GPC6: variants seen among roughly 807,000 people sequenced by gnomAD.
GPC6 encodes glypican 6.
In GPC6, 14 loss-of-function variants were observed where a neutral mutation model predicts 55.2. The ratio of observed to expected loss-of-function variants is 0.25; its 90% CI spans 0.17 to 0.40. The LOEUF is 0.40. Ranked by LOEUF, GPC6 falls within the 10% of genes least tolerant of loss-of-function variation. The pLI is 1.00. For synonymous variants in GPC6, 278 were observed against 259.6 expected, an observed-to-expected ratio of 1.07 and a Z score of -0.68; for missense variants, 641 against 708.5, an observed-to-expected ratio of 0.90 and a Z score of 1.08.
intron 4 of GPC6, among the ~76,000 whole-genome samples, chr13:94,142,693 A>C (rs531019935): frequency 6.6e-6 from 1 of 152,150 alleles, no homozygotes; most frequent in African/African-American, 2.4e-5. Flanking sequence ...CTTAGCTTAC[A>C]GAATATTATC....
intron 4 of GPC6, among the ~76,000 whole-genome samples, chr13:94,102,904 T>A (rs1885917025): frequency 6.6e-6 from 1 of 152,224 alleles, no homozygotes. Context: ...GTTATTATTA[T>A]ACTTTAAGTT....
Position 93,227,579 on chromosome 13 carries a change from A to C in GPC6, c.123A>C (p.Gly41=). ...GEVRQAYGAK[G]FSLADIPYQE... is the part of the protein sequence containing the mutation. ...TCCGCCAGGCGTACGGTGCCAAGGG[A>C]TTCAGCCTGGCGGACATCCCCTACC... is the stretch of plus-strand genomic sequence containing the variant. Residue 41 remains glycine, a synonymous_variant, in exon 1 of 9, where the codon GGA becomes GGC. Coordinates refer to ENST00000377047, the MANE Select transcript of GPC6 (RefSeq NM_005708.5). This position sits in a 1 kb window ranked among gnomAD's most constrained non-coding sequence, Gnocchi z 4.3. 1 of 1,610,660 alleles carries C rather than the reference A, an allele frequency of 6.2e-7. No homozygotes were observed. Among genetic ancestry groups the C allele is most frequent in the Non-Finnish European group, 8.5e-7 (1 of 1,178,914 alleles).
intron 1 of GPC6, among the ~76,000 whole-genome samples, chr13:93,296,360 T>C (rs1878495647): frequency 6.6e-6 from 1 of 152,214 alleles, no homozygotes; most frequent in Non-Finnish European, 1.5e-5. Context: ...ATTATGGCAG[T>C]AGGCTCCTAA....
intron 6 of GPC6, among the ~76,000 whole-genome samples, chr13:94,310,175 G>A (rs189733817): frequency 1.3e-5 from 2 of 152,228 alleles, no homozygotes; most frequent in African/African-American, 4.8e-5. Flanking sequence ...GCTCACAGAC[G>A]CACTTGGACA....
chr13:93,544,147 GA>G (rs145427838), intron 1 of GPC6, among the ~76,000 whole-genome samples: 1 of 148,682 alleles, frequency 6.7e-6, no homozygotes, highest in African/African-American at 2.5e-5. Flanking sequence ...AGTAAAAAAA[GA>G]AAAAAAAATG....
At chr13:94,136,368 A>C (rs1451744111) in intron 4 of GPC6, among the ~76,000 whole-genome samples, 1 of 152,102 alleles carries the variant, frequency 6.6e-6, no homozygotes, top group Non-Finnish European at 1.5e-5. Context: ...TGGCGATAAG[A>C]AGGGTGTGCA....
At chr13:93,827,057 C>T (rs1887289623) in intron 2 of GPC6, among the ~76,000 whole-genome samples, 1 of 152,156 alleles carries the variant, frequency 6.6e-6, no homozygotes, top group Non-Finnish European at 1.5e-5. Context: ...GAGCAACCAA[C>T]TTTGATGTAT....
chr13:94,120,227 A>G (rs1886578089), intron 4 of GPC6, among the ~76,000 whole-genome samples: 1 of 152,092 alleles, frequency 6.6e-6, no homozygotes, highest in African/African-American at 2.4e-5. Context: ...AGACTGTAGA[A>G]GGATCGCAGT....
intron 2 of GPC6, among the ~76,000 whole-genome samples, chr13:93,556,410 A>ATG (rs1875477732): frequency 1.7e-5 from 2 of 114,842 alleles, no homozygotes; most frequent in African/African-American, 5.3e-5. Context: ...ATGTATATGT[A>ATG]TATATATATA....
chr13:93,233,858 C>A (rs192352341), intron 1 of GPC6, among the ~76,000 whole-genome samples: 3 of 152,092 alleles, frequency 2.0e-5, no homozygotes, highest in African/African-American at 7.2e-5. Flanking sequence ...CTTACATAGA[C>A]GGAAAGAATC....
intron 3 of GPC6, among the ~76,000 whole-genome samples, chr13:93,972,911 CTCTCTCTG>C (rs1236830202): frequency 6.6e-5 from 10 of 151,836 alleles, no homozygotes; most frequent in African/African-American, 1.7e-4. Context: ...CTTTCTCTCT[CTCTCTCTG>C]TCTCTCTGTC....
intron 1 of GPC6, among the ~76,000 whole-genome samples, chr13:93,236,553 A>G (rs1258950399): frequency 2.6e-5 from 4 of 152,222 alleles, no homozygotes; most frequent in African/African-American, 4.8e-5. Context: ...TCGAATCAGC[A>G]GCGGCATTAG....
In GPC6 at chr13:93,449,451, T is replaced by C. The variant is rs528564338; in HGVS notation, c.161-95812T>C. Among the ~76,000 whole-genome samples the C allele has an allele frequency of 3.9e-5, 6 of 152,264 alleles. No homozygotes were observed. The South Asian group carries it at 1.2e-3, about 32-fold the overall frequency. ...AGATGATGATTGTTGGCTGGGTTAG[T>C]CTCCTTAGCAGAAATTCTTTCTTCT... is the stretch of plus-strand genomic sequence containing the variant. On this transcript the variant is annotated intron_variant, in intron 1 of 8. Coordinates refer to ENST00000377047, the MANE Select transcript of GPC6 (RefSeq NM_005708.5).
chr13:93,784,622 G>A (rs193084411), intron 2 of GPC6, among the ~76,000 whole-genome samples: 45 of 152,270 alleles, frequency 3.0e-4, no homozygotes, highest in South Asian at 8.3e-4. Flanking sequence ...GAATCCCATC[G>A]CTGAAACCTC....
intron 1 of GPC6, among the ~76,000 whole-genome samples, chr13:93,282,063 G>A (rs1877969704): frequency 6.6e-6 from 1 of 152,150 alleles, no homozygotes; most frequent in African/African-American, 2.4e-5. Context: ...ATCGAATTAA[G>A]TAATATTTAC....
At chr13:93,272,180 T>C (rs1335755798) in intron 1 of GPC6, among the ~76,000 whole-genome samples, 1 of 152,104 alleles carries the variant, frequency 6.6e-6, no homozygotes, top group African/African-American at 2.4e-5. Context: ...CTTTGGGGCA[T>C]ATTATTTCTG....
chr13:93,419,718 T>A (rs1876852853), intron 1 of GPC6, among the ~76,000 whole-genome samples: 1 of 152,194 alleles, frequency 6.6e-6, no homozygotes, highest in Non-Finnish European at 1.5e-5. Context: ...CTGTGTGCCA[T>A]TCCTTCATGA....
At chr13:93,700,930 A>G (rs111983778) in intron 2 of GPC6, among the ~76,000 whole-genome samples, 15 of 152,218 alleles carry the variant, frequency 9.9e-5, no homozygotes, top group African/African-American at 3.4e-4. Flanking sequence ...CAACACAGGA[A>G]TATTTGTATT....
chr13:93,428,249 A>G (rs1877224171), intron 1 of GPC6, among the ~76,000 whole-genome samples: 1 of 152,306 alleles, frequency 6.6e-6, no homozygotes, highest in South Asian at 2.1e-4. Flanking sequence ...TCACCCATTC[A>G]GTGAGACTTT....
Sources: gnomAD v4.1 joint callset for allele counts (sites outside exome capture counted in the v4.1 genomes callset) on GRCh38, gnomAD v4.1.1 for gene constraint, Gnocchi (gnomAD v3.1) non-coding constraint, MANE v1.5 for transcripts, NCBI Gene and HGNC (gene_info 2026-07-23, HGNC 2026-07-21) for gene names.